FLI1: variants seen among roughly 807,000 people sequenced by gnomAD.
The protein encoded by FLI1 is Fli-1 proto-oncogene, ETS transcription factor.
FLI1 carries 13 observed loss-of-function variants against 53.1 expected under a neutral mutation model. The observed-to-expected ratio is 0.24, with a 90% CI of 0.16 to 0.39. The LOEUF is 0.39. FLI1 is among the 10% of genes least tolerant of loss of function. FLI1 has a pLI of 1.00. For synonymous variants in FLI1, 244 were observed against 236.7 expected (o/e 1.03, Z -0.28); for missense variants, 424 against 600.5 (o/e 0.71, Z 3.07).
At position 128,806,973 on chromosome 11, in the gene FLI1, G is replaced by T. The variant is rs2071617; in HGVS notation, c.722-207G>T. 45,065 of 397,358 alleles carry T rather than the reference G, an allele frequency of 0.11. 2,681 individuals carry two copies. Among genetic ancestry groups the T allele is most frequent in the South Asian group, 0.16 (1,367 of 8,492 alleles). 24.6% of individuals were successfully genotyped at this position (397,358 alleles called of 1,614,324 possible). ...CCCATTGGAATGCGAGTTCTACCAG[G>T]AACTGCTTGTTCATTCCTGAATCTC... On this transcript the variant is annotated intron_variant, in intron 6 of 8. Transcript: ENST00000527786.
intron 5 of FLI1, chr11:128,804,625 T>TC (rs1942728325): frequency 6.6e-6 from 1 of 151,942 alleles, no homozygotes; most frequent in South Asian, 2.1e-4. Context: ...CCAGCCCCTT[T>TC]CCCAGCCACA....
At chr11:128,756,706 T>C (rs1268855838) in intron 1 of FLI1, among the ~76,000 whole-genome samples, 1 of 152,232 alleles carries the variant, frequency 6.6e-6, no homozygotes, top group African/African-American at 2.4e-5. Flanking sequence ...AGATTATAGA[T>C]CAATTATAGA....
intron 1 of FLI1, among the ~76,000 whole-genome samples, chr11:128,757,064 C>CTTTCTTTCTTT (rs1324134758): frequency 0.01 from 1,455 of 141,894 alleles, 43 homozygotes; most frequent in African/African-American, 0.039. Context: ...TTCTTTCTTT[C>CTTTCTTTCTTT]TTTCTTTCTT....
At chr11:128,742,665 T>C (rs1309549130) in intron 1 of FLI1, among the ~76,000 whole-genome samples, 1 of 152,242 alleles carries the variant, frequency 6.6e-6, no homozygotes, top group South Asian at 2.1e-4. Flanking sequence ...CATTGCATGG[T>C]GCAGATTTTA....
At chr11:128,721,365 A>C (rs1182037605) in intron 1 of FLI1, among the ~76,000 whole-genome samples, 1 of 152,270 alleles carries the variant, frequency 6.6e-6, no homozygotes. Flanking sequence ...CTGCTGTCAC[A>C]GAAGAAACAA....
intron 5 of FLI1, among the ~76,000 whole-genome samples, chr11:128,782,652 C>G (rs144825868): frequency 3.4e-4 from 51 of 152,236 alleles, no homozygotes; most frequent in African/African-American, 1.1e-3. Flanking sequence ...GAGCCGAGTT[C>G]GCGCCACTGC....
At position 128,777,113 on chromosome 11, in the gene FLI1, G is replaced by A. The variant is rs556757190; in HGVS notation, c.589+4128G>A. 2.6e-5 allele frequency among the ~76,000 whole-genome samples: 4 copies of A among 152,302 alleles called. No homozygotes were observed. The East Asian group carries it at 7.7e-4, about 29-fold the overall frequency. On this transcript the variant is annotated intron_variant, in intron 4 of 8. Coordinates refer to ENST00000527786, the MANE Select transcript of FLI1 (RefSeq NM_002017.5). The stretch of plus-strand genomic sequence containing the variant: ...CCCGTGTGGCAGAGGAGCCTTCGCA[G>A]CAGCTGCTGCGGGAACGAGATTTGT...
Position 128,812,590 on chromosome 11 carries a change from G to T in FLI1, c.*1602G>T. On this transcript the variant is annotated 3_prime_UTR_variant, in exon 9 of 9. Coordinates refer to ENST00000527786, the MANE Select transcript of FLI1 (RefSeq NM_002017.5). ...CATTGTTGTTGATGATGTTTGTAGT[G>T]TTTTTGTGTGTGTTATTTAAATCTT... 4.5e-6 allele frequency: 1 copy of T among 223,898 alleles called. No individual in the cohort carries two copies. The highest frequency in any genetic ancestry group is 8.9e-6 in the Non-Finnish European group (1 of 112,110). 13.9% of individuals were successfully genotyped at this position (223,898 alleles called of 1,614,324 possible).
chr11:128,799,040 A>ATTTTTTTT (rs1360505352), intron 5 of FLI1, among the ~76,000 whole-genome samples: 1 of 131,458 alleles, frequency 7.6e-6, no homozygotes, highest in African/African-American at 2.8e-5. Flanking sequence ...TATTATTATT[A>ATTTTTTTT]TTATTATTAT....
intron 1 of FLI1, among the ~76,000 whole-genome samples, chr11:128,714,182 T>A (rs1938906208): frequency 6.7e-6 from 1 of 148,480 alleles, no homozygotes; most frequent in African/African-American, 2.5e-5. Flanking sequence ...GGGTTTCAAC[T>A]TGATATAACT....
At chr11:128,788,720 T>C (rs1942175537) in intron 5 of FLI1, among the ~76,000 whole-genome samples, 1 of 152,164 alleles carries the variant, frequency 6.6e-6, no homozygotes, top group African/African-American at 2.4e-5. Context: ...AAGACAAATA[T>C]ATACAATTAT....
chr11:128,799,036 TA>T (rs200424079), intron 5 of FLI1, among the ~76,000 whole-genome samples: 27 of 135,366 alleles, frequency 2.0e-4, no homozygotes, highest in African/African-American at 4.0e-4. Context: ...TTATTATTAT[TA>T]TTATTATTAT....
chr11:128,729,243 C>CA (rs1480564994), intron 1 of FLI1, among the ~76,000 whole-genome samples: 6 of 152,174 alleles, frequency 3.9e-5, no homozygotes, highest in African/African-American at 1.4e-4. Context: ...CGAGAGGAGG[C>CA]AAGCTTATTA....
At chr11:128,703,278 G>T (rs1463140496) in intron 1 of FLI1, among the ~76,000 whole-genome samples, 4 of 152,166 alleles carry the variant, frequency 2.6e-5, no homozygotes, top group African/African-American at 7.2e-5. Context: ...ACATCTATTT[G>T]AGAAGTTAAC....
intron 7 of FLI1, 98 bp downstream of exon 7, chr11:128,807,337 G>T: frequency 1.4e-6 from 1 of 735,388 alleles, no homozygotes; most frequent in Non-Finnish European, 2.1e-6. Context: ...TACCACATAT[G>T]TTTTCTCTTA....
At chr11:128,751,627 C>T (rs992244109) in intron 1 of FLI1, among the ~76,000 whole-genome samples, 5 of 151,616 alleles carry the variant, frequency 3.3e-5, no homozygotes, top group African/African-American at 2.4e-5. Context: ...CCCGGGTTCA[C>T]GCCATTCTCC....
At chr11:128,716,589 G>A (rs950500256) in intron 1 of FLI1, among the ~76,000 whole-genome samples, 2 of 152,138 alleles carry the variant, frequency 1.3e-5, no homozygotes, top group African/African-American at 4.8e-5. Flanking sequence ...AAGCTGCTTT[G>A]GGGACTTGAA....
intron 5 of FLI1, 106 bp downstream of exon 5, chr11:128,782,129 AC>A: frequency 2.0e-6 from 2 of 998,578 alleles, no homozygotes; most frequent in Non-Finnish European, 3.1e-6. Flanking sequence ...GTTCCACTCA[AC>A]TTTTCCTAGC....
intron 1 of FLI1, among the ~76,000 whole-genome samples, chr11:128,730,612 G>A (rs1455719896): frequency 2.6e-5 from 4 of 152,174 alleles, no homozygotes; most frequent in African/African-American, 4.8e-5. Context: ...GTGGTGCTGG[G>A]CCCTTCAAGC....
Sources: allele counts gnomAD v4.1 joint callset (sites outside exome capture counted in the v4.1 genomes callset), GRCh38; gene constraint gnomAD v4.1.1; transcripts MANE v1.5; gene names NCBI Gene and HGNC (gene_info 2026-07-23, HGNC 2026-07-21).